Variants in LYPLAL1 observed in about 807,000 individuals in gnomAD.
The protein encoded by LYPLAL1 is lysophospholipase-like protein 1.
Under a neutral mutation model 19.7 loss-of-function variants are expected in LYPLAL1, and 23 were observed. The observed-to-expected ratio is 1.17, with a 90% CI of 0.84 to 1.65. The LOEUF (loss-of-function observed/expected upper bound fraction) is 1.65, where lower values mean the gene tolerates loss of function less well. Ranked by LOEUF, LYPLAL1 falls within the 40% of genes most tolerant of loss-of-function variation. The pLI, the probability that LYPLAL1 is intolerant of heterozygous loss-of-function variation, is 0.00. For missense variants in LYPLAL1, 355 were observed against 279.4 expected (o/e 1.27, Z -1.93); for synonymous variants, 119 against 96.3 (o/e 1.24, Z -1.38).
the LYPLAL1 span, among the ~76,000 whole-genome samples, chr1:219,355,763 G>A: frequency 6.6e-6 from 1 of 152,094 alleles, no homozygotes; most frequent in East Asian, 1.9e-4. Context: ...TGAAACCAGA[G>A]TATGTTTTCT....
chr1:219,385,018 A>G, the LYPLAL1 span, among the ~76,000 whole-genome samples: 16 of 152,252 alleles, frequency 1.1e-4, no homozygotes, highest in Non-Finnish European at 1.6e-4. Flanking sequence ...TGACTTGACT[A>G]TTGGTGGGCT....
At chr1:219,216,649 A>T (rs1659300326), downstream of LYPLAL1, among the ~76,000 whole-genome samples, 1 of 152,112 alleles carries the variant, frequency 6.6e-6, no homozygotes, top group African/African-American at 2.4e-5. Context: ...CCTCACACAT[A>T]TCTGATGACT....
At chr1:219,245,175 C>CCCTT in the LYPLAL1 span, among the ~76,000 whole-genome samples, 2,770 of 132,470 alleles carry the variant, frequency 0.021, 35 homozygotes, top group Middle Eastern at 0.039. Context: ...CCTCTTCCAT[C>CCCTT]CCTTCCTTCC....
chr1:219,236,763 T>A, the LYPLAL1 span, among the ~76,000 whole-genome samples: 4 of 152,190 alleles, frequency 2.6e-5, no homozygotes, highest in Admixed American at 2.0e-4. Context: ...CTTAAAAAAA[T>A]TTTAACTTCT....
the LYPLAL1 span, among the ~76,000 whole-genome samples, chr1:219,326,310 TG>T: frequency 3.1e-3 from 4 of 1,308 alleles, no homozygotes; most frequent in African/African-American, 7.1e-3. Context: ...GGTGGGGGGT[TG>T]GGGGGTGGGG....
At chr1:219,177,764 A>G (rs984326440) in intron 1 of LYPLAL1, among the ~76,000 whole-genome samples, 2 of 152,142 alleles carry the variant, frequency 1.3e-5, no homozygotes, top group African/African-American at 2.4e-5. Context: ...CTGTACATCT[A>G]CTTTTGCTCT....
chr1:219,355,645 C>A, the LYPLAL1 span, among the ~76,000 whole-genome samples: 1 of 151,934 alleles, frequency 6.6e-6, no homozygotes. Flanking sequence ...ATTTATAGAA[C>A]TTTATACATG....
the LYPLAL1 span, among the ~76,000 whole-genome samples, chr1:219,385,337 A>G: frequency 1.3e-5 from 2 of 152,170 alleles, no homozygotes; most frequent in African/African-American, 4.8e-5. Flanking sequence ...CTCCAGCCCA[A>G]TACCTTAGTC....
At chr1:219,312,122 G>C in the LYPLAL1 span, among the ~76,000 whole-genome samples, 14 of 152,142 alleles carry the variant, frequency 9.2e-5, no homozygotes, top group African/African-American at 3.4e-4. Context: ...GACAGTTTGG[G>C]AAAGGTGCTT....
chr1:219,238,908 G>A, the LYPLAL1 span, among the ~76,000 whole-genome samples: 5 of 152,092 alleles, frequency 3.3e-5, no homozygotes, highest in South Asian at 2.1e-4. Flanking sequence ...CACCTAAAAC[G>A]TAATCAGAGA....
chr1:219,205,125 A>T (rs2125102187), intron 3 of LYPLAL1, among the ~76,000 whole-genome samples: 1 of 152,102 alleles, frequency 6.6e-6, no homozygotes, highest in East Asian at 1.9e-4. Context: ...CAGTAGGCCG[A>T]GGCGGGTGGA....
At chr1:219,213,708 G>A (rs975238839), downstream of LYPLAL1, among the ~76,000 whole-genome samples, 2 of 151,886 alleles carry the variant, frequency 1.3e-5, no homozygotes, top group African/African-American at 4.8e-5. Flanking sequence ...GTTTCCAAGT[G>A]CCCTTTGCTA....
At chr1:219,334,733 G>T in the LYPLAL1 span, among the ~76,000 whole-genome samples, 1 of 151,832 alleles carries the variant, frequency 6.6e-6, no homozygotes, top group Non-Finnish European at 1.5e-5. Flanking sequence ...AAAACTTAAA[G>T]TTTTGTATTG....
chr1:219,173,902 G>C lies in LYPLAL1; in HGVS notation c.12G>C (p.Ala4=). Residue 4 remains alanine (A), a synonymous_variant, in exon 1 of 5, where the codon GCG becomes GCC. Coordinates refer to ENST00000366928, the MANE Select transcript of LYPLAL1 (RefSeq NM_138794.5). ...CAGTGGCATCAGCGATGGCGGCTGCGTCGGGGTCGGTTCTGCAGCGCTGTA... is the reference window on the plus strand; with the variant it reads ...CAGTGGCATCAGCGATGGCGGCTGCCTCGGGGTCGGTTCTGCAGCGCTGTA... MAA[A]SGSVLQRCIV... 6.2e-7 allele frequency: 1 copy of C among 1,613,130 alleles called. No individual in the cohort carries two copies. The highest frequency in any genetic ancestry group is 8.5e-7 in the Non-Finnish European group (1 of 1,179,946).
chr1:219,332,365 A>G, the LYPLAL1 span, among the ~76,000 whole-genome samples: 390 of 152,292 alleles, frequency 2.6e-3, 1 homozygote, highest in South Asian at 0.016. Context: ...TGCCAGATAT[A>G]TGAGTGAAGA....
the LYPLAL1 span, among the ~76,000 whole-genome samples, chr1:219,279,473 G>A: frequency 1.3e-5 from 2 of 152,252 alleles, no homozygotes; most frequent in East Asian, 3.9e-4. Context: ...TCCAGAACCT[G>A]CTTATCTTTC....
At chr1:219,406,387 T>C in the LYPLAL1 span, among the ~76,000 whole-genome samples, 3 of 152,220 alleles carry the variant, frequency 2.0e-5, no homozygotes, top group Non-Finnish European at 4.4e-5. Flanking sequence ...GGTGTGTATC[T>C]ACTGAAGTCA....
chr1:219,308,141 AC>A, the LYPLAL1 span, among the ~76,000 whole-genome samples: 10 of 152,288 alleles, frequency 6.6e-5, no homozygotes, highest in African/African-American at 2.2e-4. Context: ...TAATGAAGAG[AC>A]TGGTGGCATT....
the LYPLAL1 span, among the ~76,000 whole-genome samples, chr1:219,243,338 T>A: frequency 7.6e-5 from 11 of 144,314 alleles, no homozygotes; most frequent in Admixed American, 6.9e-4. Context: ...AAGAACACTG[T>A]CTCCAGAAAT....
Sources: allele counts gnomAD v4.1 joint callset (sites outside exome capture counted in the v4.1 genomes callset), GRCh38; gene constraint gnomAD v4.1.1; transcripts MANE v1.5; gene names NCBI Gene and HGNC (gene_info 2026-07-23, HGNC 2026-07-21).